NXPE2: variants seen among roughly 807,000 people sequenced by gnomAD.
The protein encoded by NXPE2 is neurexophilin and PC-esterase domain family member 2.
In NXPE2, 34 loss-of-function variants were observed where a neutral mutation model predicts 34.4. The observed-to-expected ratio is 0.99, with a 90% CI of 0.75 to 1.31. The LOEUF (loss-of-function observed/expected upper bound fraction) is 1.31. NXPE2 is among the 40% of genes most tolerant of loss of function. The pLI is 0.00. For synonymous variants in NXPE2, 235 were observed against 231.3 expected, an observed-to-expected ratio of 1.02 and a Z score of -0.15; for missense variants, 649 against 672.5, an observed-to-expected ratio of 0.97 and a Z score of 0.39.
At chr11:114,682,042 T>A (rs188860034) in intron 2 of NXPE2, among the ~76,000 whole-genome samples, 5 of 152,330 alleles carry the variant, frequency 3.3e-5, no homozygotes, top group Non-Finnish European at 7.3e-5. Context: ...AAGGATTTTC[T>A]TAAAAAGGCA....
chr11:114,617,309 A>T, the NXPE2 span, among the ~76,000 whole-genome samples: 12 of 151,926 alleles, frequency 7.9e-5, no homozygotes, highest in African/African-American at 2.7e-4. Context: ...CCAGATACTA[A>T]GTTTTGCCTC....
chr11:114,495,526 C>A, the NXPE2 span, among the ~76,000 whole-genome samples: 1 of 151,700 alleles, frequency 6.6e-6, no homozygotes, highest in Non-Finnish European at 1.5e-5. Context: ...AAGTTGGTAC[C>A]CAAGCTGCAA....
the NXPE2 span, among the ~76,000 whole-genome samples, chr11:114,767,368 CA>C: frequency 6.6e-6 from 1 of 152,052 alleles, no homozygotes. Flanking sequence ...CAAGATCATA[CA>C]AAAAAGAACT....
At chr11:114,635,974 C>T in the NXPE2 span, among the ~76,000 whole-genome samples, 9 of 152,108 alleles carry the variant, frequency 5.9e-5, no homozygotes, top group East Asian at 1.7e-3. Flanking sequence ...ATGATGCTGG[C>T]CTCATAAAAT....
the NXPE2 span, among the ~76,000 whole-genome samples, chr11:114,766,859 G>T: frequency 6.6e-6 from 1 of 152,034 alleles, no homozygotes; most frequent in South Asian, 2.1e-4. Flanking sequence ...TACAGTGCTG[G>T]GCACATGACT....
At chr11:114,763,029 T>G in the NXPE2 span, among the ~76,000 whole-genome samples, 1 of 152,170 alleles carries the variant, frequency 6.6e-6, no homozygotes, top group African/African-American at 2.4e-5. Context: ...CTGGGGACAT[T>G]CTACTTTTAG....
At chr11:114,574,659 C>A in the NXPE2 span, among the ~76,000 whole-genome samples, 1 of 152,068 alleles carries the variant, frequency 6.6e-6, no homozygotes, top group Non-Finnish European at 1.5e-5. Flanking sequence ...GATATAGAAT[C>A]TCTGAACAGA....
At chr11:114,468,664 A>T in the NXPE2 span, among the ~76,000 whole-genome samples, 1 of 152,210 alleles carries the variant, frequency 6.6e-6, no homozygotes. Flanking sequence ...TCTACTGAAC[A>T]TTCTAAAATG....
chr11:114,565,443 C>T, the NXPE2 span, among the ~76,000 whole-genome samples: 7 of 152,218 alleles, frequency 4.6e-5, no homozygotes, highest in Admixed American at 2.0e-4. Flanking sequence ...GTTCCTGATG[C>T]TGCGAACAAG....
chr11:114,498,244 G>C, the NXPE2 span, among the ~76,000 whole-genome samples: 2 of 151,920 alleles, frequency 1.3e-5, no homozygotes, highest in Non-Finnish European at 2.9e-5. Context: ...TGAAAATAGA[G>C]ACACATTTAT....
At chr11:114,549,980 G>T in the NXPE2 span, among the ~76,000 whole-genome samples, 5 of 152,076 alleles carry the variant, frequency 3.3e-5, no homozygotes, top group South Asian at 1.0e-3. Context: ...GCAGCAAAAT[G>T]ATAATAAAAT....
the NXPE2 span, among the ~76,000 whole-genome samples, chr11:114,759,111 C>G: frequency 1.6e-4 from 24 of 152,134 alleles, no homozygotes; most frequent in Non-Finnish European, 3.2e-4. Context: ...CACACACTCT[C>G]TCTCTGTCTC....
chr11:114,712,271 T>TA, the NXPE2 span, among the ~76,000 whole-genome samples: 2 of 151,550 alleles, frequency 1.3e-5, no homozygotes, highest in African/African-American at 4.8e-5. Context: ...GGCAACAAAA[T>TA]AAAAAAACAA....
chr11:114,660,464 A>G, the NXPE2 span, among the ~76,000 whole-genome samples: 1 of 152,034 alleles, frequency 6.6e-6, no homozygotes, highest in East Asian at 1.9e-4. Context: ...TCATTTGAAG[A>G]TCAATCAATC....
At chr11:114,620,427 G>A in the NXPE2 span, among the ~76,000 whole-genome samples, 4 of 152,094 alleles carry the variant, frequency 2.6e-5, no homozygotes, top group Non-Finnish European at 5.9e-5. Context: ...TGAGTCATGG[G>A]TAACCACTGT....
chr11:114,505,790 G>T, the NXPE2 span, among the ~76,000 whole-genome samples: 2 of 152,124 alleles, frequency 1.3e-5, no homozygotes, highest in African/African-American at 4.8e-5. Flanking sequence ...ACAGAGCAGT[G>T]ACACTATAAA....
chr11:114,806,440 G>T, the NXPE2 span, among the ~76,000 whole-genome samples: 1 of 11,450 alleles, frequency 8.7e-5, no homozygotes, highest in Non-Finnish European at 1.1e-3. Flanking sequence ...GAAGTTAAAA[G>T]CTTTGAAAAA....
At chr11:114,618,833 T>G in the NXPE2 span, among the ~76,000 whole-genome samples, 1 of 151,668 alleles carries the variant, frequency 6.6e-6, no homozygotes, top group African/African-American at 2.4e-5. Context: ...TATTGCCTCG[T>G]GGGCAACCAT....
At chr11:114,479,415 TTG>T in the NXPE2 span, among the ~76,000 whole-genome samples, 5 of 152,008 alleles carry the variant, frequency 3.3e-5, no homozygotes, top group Non-Finnish European at 5.9e-5. Context: ...CACTAAGCAT[TTG>T]AGAAATATTT....
Sources: gnomAD v4.1 joint callset for allele counts (sites outside exome capture counted in the v4.1 genomes callset) on GRCh38, gnomAD v4.1.1 for gene constraint, MANE v1.5 for transcripts, NCBI Gene and HGNC (gene_info 2026-07-23, HGNC 2026-07-21) for gene names.